NUBPL: variants seen among roughly 807,000 people sequenced by gnomAD.
The protein encoded by NUBPL is iron-sulfur cluster transfer protein NUBPL.
NUBPL carries 31 observed loss-of-function variants against 45.7 expected under a neutral mutation model. The observed-to-expected ratio is 0.68, with a 90% CI of 0.51 to 0.92. The LOEUF (loss-of-function observed/expected upper bound fraction) is 0.92. Ranked by LOEUF, NUBPL falls within the 40% of genes least tolerant of loss-of-function variation. NUBPL has a pLI of 0.00. For synonymous variants in NUBPL, 144 were observed against 140.9 expected (o/e 1.02, Z -0.15); for missense variants, 401 against 398.7 (o/e 1.01, Z -0.05).
intron 6 of NUBPL, among the ~76,000 whole-genome samples, chr14:31,770,193 TAGAG>T (rs905333423): frequency 1.3e-5 from 2 of 152,278 alleles, no homozygotes; most frequent in African/African-American, 4.8e-5. Context: ...GGAATTGCAA[TAGAG>T]AGAGAGTTTA....
chr14:31,798,343 A>T (rs1290356249), intron 7 of NUBPL, among the ~76,000 whole-genome samples: 1 of 128,624 alleles, frequency 7.8e-6, no homozygotes, highest in Non-Finnish European at 1.6e-5. Flanking sequence ...TATAATATCC[A>T]TGTGGTCAGT....
At chr14:31,837,506 A>G (rs2040301150) in intron 8 of NUBPL, among the ~76,000 whole-genome samples, 1 of 152,176 alleles carries the variant, frequency 6.6e-6, no homozygotes, top group African/African-American at 2.4e-5. Flanking sequence ...CGAACCACAA[A>G]CGTAGTTTTG....
At chr14:31,687,523 A>G (rs545399433) in intron 6 of NUBPL, among the ~76,000 whole-genome samples, 27 of 152,346 alleles carry the variant, frequency 1.8e-4, no homozygotes, top group African/African-American at 5.5e-4. Flanking sequence ...AACTGCATAA[A>G]ATTCACTGTA....
chr14:31,858,385 G>A (rs1445450860), intron 10 of NUBPL, among the ~76,000 whole-genome samples: 1 of 152,100 alleles, frequency 6.6e-6, no homozygotes, highest in Non-Finnish European at 1.5e-5. Flanking sequence ...TTTTACTATT[G>A]TGTTCTACAG....
rs182964633 is a variant in NUBPL, at chr14:31,620,845, A to C, written c.382+21466A>C. On this transcript the variant is annotated intron_variant, in intron 4 of 10. Coordinates refer to ENST00000281081, the MANE Select transcript of NUBPL (RefSeq NM_025152.3). ...ATCTGCTGCTCTCTTCAGAGCTGTT[A>C]GGCAGGGATGTTTAAGTCTGGTGAA... Among the ~76,000 whole-genome samples the C allele has an allele frequency of 3.2e-3, 494 of 152,322 alleles. 3 individuals are homozygous for C. The highest frequency in any genetic ancestry group is 0.011 in the African/African-American group (464 of 41,590).
intron 6 of NUBPL, among the ~76,000 whole-genome samples, chr14:31,739,580 A>G (rs1277691957): frequency 6.6e-6 from 1 of 152,096 alleles, no homozygotes; most frequent in Non-Finnish European, 1.5e-5. Flanking sequence ...CCATGCCCCA[A>G]CACATGCATA....
intron 6 of NUBPL, among the ~76,000 whole-genome samples, chr14:31,743,910 C>G (rs532590464): frequency 6.6e-6 from 1 of 152,156 alleles, no homozygotes; most frequent in Non-Finnish European, 1.5e-5. Flanking sequence ...GAAAGAGCCC[C>G]GCTCTTCAAG....
intron 3 of NUBPL, among the ~76,000 whole-genome samples, chr14:31,569,474 G>A (rs8003788): frequency 0.29 from 44,790 of 152,058 alleles, 7,468 homozygotes; most frequent in South Asian, 0.4. Context: ...TGGAGTTACA[G>A]GTGTGAGCCA....
At chr14:31,577,831 C>A (rs2033755918) in intron 3 of NUBPL, 1 of 271,442 alleles carries the variant, frequency 3.7e-6, no homozygotes, top group Non-Finnish European at 5.6e-6. Context: ...CTCCTGTCAT[C>A]CTTCAGGTCT....
chr14:31,738,214 T>C (rs914555376), intron 6 of NUBPL, among the ~76,000 whole-genome samples: 4 of 152,182 alleles, frequency 2.6e-5, no homozygotes, highest in Non-Finnish European at 5.9e-5. Flanking sequence ...ATCAAAAATA[T>C]AGTGGGAGCT....
chr14:31,634,058 G>C lies in NUBPL; in HGVS notation c.382+34679G>C, dbSNP rs111301533. ...TGGGCAATACAGTAAAAGAAGAAAA[G>C]CGACAAAATCAGTTCTTTTTTTTTA... On this transcript the variant is annotated intron_variant, in intron 4 of 10. Transcript: ENST00000281081. Among the ~76,000 whole-genome samples, 454 of 151,856 alleles carry C rather than the reference G, an allele frequency of 3.0e-3. 2 individuals are homozygous for C. Among genetic ancestry groups the C allele is most frequent in the Middle Eastern group, 6.8e-3 (2 of 292 alleles).
intron 6 of NUBPL, among the ~76,000 whole-genome samples, chr14:31,738,892 T>C (rs1380857238): frequency 6.6e-6 from 1 of 152,124 alleles, no homozygotes; most frequent in Non-Finnish European, 1.5e-5. Flanking sequence ...AAGTCTGTTA[T>C]ATAGTATCTG....
At chr14:31,802,214 A>G (rs1430014869) in intron 7 of NUBPL, among the ~76,000 whole-genome samples, 3 of 152,134 alleles carry the variant, frequency 2.0e-5, no homozygotes, top group Admixed American at 6.6e-5. Context: ...GTAATATAAT[A>G]AAAACAAGTT....
At chr14:31,743,672 G>A (rs918426607) in intron 6 of NUBPL, among the ~76,000 whole-genome samples, 4 of 152,180 alleles carry the variant, frequency 2.6e-5, no homozygotes, top group East Asian at 1.9e-4. Context: ...GAGCCACTGC[G>A]CTTAGCCGGT....
At chr14:31,765,762 T>C (rs570524188) in intron 6 of NUBPL, among the ~76,000 whole-genome samples, 3 of 152,208 alleles carry the variant, frequency 2.0e-5, no homozygotes, top group Non-Finnish European at 4.4e-5. Context: ...AAAGCTATCT[T>C]TGTTTACCAA....
intron 7 of NUBPL, among the ~76,000 whole-genome samples, chr14:31,821,426 A>G (rs2138949755): frequency 6.6e-6 from 1 of 152,356 alleles, no homozygotes; most frequent in East Asian, 1.9e-4. Context: ...GCAAACAGAC[A>G]TATGAAAAGG....
intron 6 of NUBPL, among the ~76,000 whole-genome samples, chr14:31,721,541 G>T (rs2037808141): frequency 6.6e-6 from 1 of 151,818 alleles, no homozygotes; most frequent in African/African-American, 2.4e-5. Context: ...GCATAGAAAA[G>T]CTAAGTAGCT....
At chr14:31,858,716 AT>A (rs1341267514) in intron 10 of NUBPL, among the ~76,000 whole-genome samples, 5 of 152,190 alleles carry the variant, frequency 3.3e-5, no homozygotes, top group Admixed American at 3.3e-4. Context: ...ATGGTAATAA[AT>A]AGTCCTCCTT....
intron 8 of NUBPL, 96 bp from the exon 9 acceptor site, chr14:31,846,375 C>A: frequency 2.1e-6 from 2 of 937,282 alleles, no homozygotes; most frequent in Non-Finnish European, 3.4e-6. Context: ...TGATGAGTGC[C>A]ACTAGAACTC....
Sources: gnomAD v4.1 joint callset for allele counts (sites outside exome capture counted in the v4.1 genomes callset) on GRCh38, gnomAD v4.1.1 for gene constraint, MANE v1.5 for transcripts, NCBI Gene and HGNC (gene_info 2026-07-23, HGNC 2026-07-21) for gene names.